CASTOR2: variants seen among roughly 807,000 people sequenced by gnomAD.
CASTOR2 encodes GATS protein like 2.
In CASTOR2, 8 loss-of-function variants were observed where a neutral mutation model predicts 31.2. The ratio of observed to expected loss-of-function variants is 0.26; its 90% CI spans 0.15 to 0.46. The LOEUF (loss-of-function observed/expected upper bound fraction) is 0.46. Ranked by LOEUF, CASTOR2 falls within the 20% of genes least tolerant of loss-of-function variation. The probability of loss-of-function intolerance (pLI) is 0.99; values close to 1 mark genes in which losing one functional copy is unlikely to be tolerated. For synonymous variants in CASTOR2, 162 were observed against 158.7 expected (o/e 1.02, Z -0.16); for missense variants, 216 against 382.1 (o/e 0.57, Z 3.62).
At chr7:74,982,217 C>T (rs1554436342) in intron 1 of CASTOR2, among the ~76,000 whole-genome samples, 1 of 141,624 alleles carries the variant, frequency 7.1e-6, no homozygotes, top group Admixed American at 7.3e-5. Flanking sequence ...TACCCTCCTT[C>T]ATTGCCTTAG....
At position 75,001,316 on chromosome 7, in the gene CASTOR2, G is replaced by A. The variant is rs1427605425; in HGVS notation, c.114-6678G>A. 3.9e-5 allele frequency among the ~76,000 whole-genome samples: 6 copies of A among 152,290 alleles called. No homozygotes were observed. In the East Asian group the frequency reaches 1.2e-3, roughly 29 times the overall value. On this transcript the variant is annotated intron_variant, in intron 1 of 8. Transcript: ENST00000616305. ...TGGTCTCAAACTCCTGGGCTCAAGT[G>A]ATACCCCTGCCTTGGCCTCCACAAG...
At chr7:75,022,382 G>A (rs1805027443) in intron 7 of CASTOR2, among the ~76,000 whole-genome samples, 1 of 152,134 alleles carries the variant, frequency 6.6e-6, no homozygotes, top group African/African-American at 2.4e-5. Flanking sequence ...GCTGGCGCCT[G>A]TAATCCCAGC....
intron 1 of CASTOR2, among the ~76,000 whole-genome samples, chr7:74,995,703 G>A (rs1804329613): frequency 6.6e-6 from 1 of 151,888 alleles, no homozygotes; most frequent in Non-Finnish European, 1.5e-5. Context: ...AGCTACTTGG[G>A]AGGCTGAGGC....
At chr7:75,017,829 G>A in intron 3 of CASTOR2, 38 bp downstream of exon 3, 1 of 1,613,354 alleles carries the variant, frequency 6.2e-7, no homozygotes. Context: ...GCACACTCAT[G>A]CCCGCCTCTG....
At chr7:74,998,063 C>A (rs1170889017) in intron 1 of CASTOR2, among the ~76,000 whole-genome samples, 2 of 152,076 alleles carry the variant, frequency 1.3e-5, no homozygotes, top group African/African-American at 4.8e-5. Flanking sequence ...AGTCATGGGG[C>A]GTATGCTACA....
chr7:74,989,170 T>A (rs1181652660), intron 1 of CASTOR2, among the ~76,000 whole-genome samples: 5 of 151,920 alleles, frequency 3.3e-5, no homozygotes, highest in African/African-American at 1.2e-4. Context: ...TTCACCGTGT[T>A]AGCCAGGATG....
At chr7:75,022,786 A>G (rs1401906959) in intron 7 of CASTOR2, among the ~76,000 whole-genome samples, 21 of 151,964 alleles carry the variant, frequency 1.4e-4, no homozygotes, top group African/African-American at 5.1e-4. Flanking sequence ...GCAACAGAGC[A>G]AGACTCTGTC....
intron 6 of CASTOR2, 33 bp downstream of exon 6, chr7:75,020,182 A>T: frequency 6.5e-7 from 1 of 1,540,212 alleles, no homozygotes; most frequent in Non-Finnish European, 8.8e-7. Flanking sequence ...CGTTCAACCC[A>T]GGGTGGGCCC....
intron 1 of CASTOR2, among the ~76,000 whole-genome samples, chr7:74,987,201 T>A (rs1236708122): frequency 2.6e-5 from 4 of 151,896 alleles, no homozygotes; most frequent in African/African-American, 9.7e-5. Context: ...GGTCAGGAGT[T>A]CAAGACCAGC....
At chr7:74,994,860 A>C (rs1333175615) in intron 1 of CASTOR2, among the ~76,000 whole-genome samples, 1 of 152,140 alleles carries the variant, frequency 6.6e-6, no homozygotes, top group Non-Finnish European at 1.5e-5. Flanking sequence ...AGGAGTGAGC[A>C]TCTGGGGACA....
intron 2 of CASTOR2, among the ~76,000 whole-genome samples, chr7:75,017,125 C>T (rs1804881691): frequency 6.6e-6 from 1 of 152,000 alleles, no homozygotes. Flanking sequence ...GCACTCCAGC[C>T]TGGGTGACAG....
intron 1 of CASTOR2, among the ~76,000 whole-genome samples, chr7:74,986,795 C>G (rs1157140358): frequency 6.6e-6 from 1 of 152,174 alleles, no homozygotes; most frequent in Non-Finnish European, 1.5e-5. Context: ...CCTGTCATCC[C>G]AGCACTTTGG....
At chr7:75,018,701 TG>T (rs1416630885) in intron 4 of CASTOR2, among the ~76,000 whole-genome samples, 1 of 152,220 alleles carries the variant, frequency 6.6e-6, no homozygotes, top group Non-Finnish European at 1.5e-5. Flanking sequence ...TGCTGAAGCC[TG>T]GAACACAGGT....
chr7:75,014,174 C>T (rs1446962443), intron 2 of CASTOR2, among the ~76,000 whole-genome samples: 1 of 152,058 alleles, frequency 6.6e-6, no homozygotes, highest in Non-Finnish European at 1.5e-5. Flanking sequence ...CATCACTAGC[C>T]CTCACCCATC....
chr7:75,017,747 A>G lies in CASTOR2; in HGVS notation c.334A>G (p.Ile112Val). 1.2e-6 allele frequency: 2 copies of G among 1,614,002 alleles called. No homozygotes were observed. The highest frequency in any genetic ancestry group is 1.7e-6 in the Non-Finnish European group (2 of 1,179,878). The change falls in exon 3 of 9, where the codon ATA (isoleucine) becomes GTA (valine). Residue 112 changes from isoleucine to valine, a missense_variant. By Grantham distance (29) the Ile-to-Val change is conservative (BLOSUM62 3). Transcript: ENST00000616305. ...SVIAPLADQN[I>V]SVFMLSTYQT... ...CATCGCCCCACTGGCTGACCAGAACATATCCGTGTTCATGCTGTCCACGTA... is the reference window on the plus strand; with the variant it reads ...CATCGCCCCACTGGCTGACCAGAACGTATCCGTGTTCATGCTGTCCACGTA...
chr7:75,007,114 A>G (rs1381574503), intron 1 of CASTOR2, among the ~76,000 whole-genome samples: 3 of 152,170 alleles, frequency 2.0e-5, no homozygotes, highest in African/African-American at 4.8e-5. Context: ...GCCTGTGCAC[A>G]CTTGGACTTG....
At chr7:75,003,708 C>T (rs1804547047) in intron 1 of CASTOR2, among the ~76,000 whole-genome samples, 1 of 151,956 alleles carries the variant, frequency 6.6e-6, no homozygotes. Flanking sequence ...CGAGATTGCG[C>T]CACTGCACTC....
At chr7:75,003,630 G>A (rs1199153401) in intron 1 of CASTOR2, among the ~76,000 whole-genome samples, 1 of 151,920 alleles carries the variant, frequency 6.6e-6, no homozygotes, top group Non-Finnish European at 1.5e-5. Flanking sequence ...TGCGCCTGTA[G>A]TCTCAGCTAC....
At chr7:74,992,121 C>T (rs1804225819) in intron 1 of CASTOR2, among the ~76,000 whole-genome samples, 1 of 151,924 alleles carries the variant, frequency 6.6e-6, no homozygotes, top group Non-Finnish European at 1.5e-5. Context: ...AGCAGGTAGA[C>T]ACCAGGAAGA....
Sources: gnomAD v4.1 joint callset for allele counts (sites outside exome capture counted in the v4.1 genomes callset) on GRCh38, gnomAD v4.1.1 for gene constraint, MANE v1.5 for transcripts, NCBI Gene and HGNC (gene_info 2026-07-23, HGNC 2026-07-21) for gene names.